The following NALF1 variants were observed in gnomAD, a reference collection of about 807,000 sequenced individuals.
NALF1 encodes NALCN channel auxiliary factor 1.
A neutral mutation model predicts 48.4 loss-of-function variants in NALF1; 3 were observed. The observed-to-expected ratio is 0.06, with a 90% CI of 0.03 to 0.16. The LOEUF (loss-of-function observed/expected upper bound fraction) is 0.16. NALF1 is among the 10% of genes least tolerant of loss of function. The pLI is 1.00. For synonymous variants in NALF1, 262 were observed against 245.7 expected (o/e 1.07, Z -0.62); for missense variants, 526 against 571.5 (o/e 0.92, Z 0.81).
rs114508608 is a variant in NALF1, at chr13:107,744,815, G to C, written c.915+120867C>G. On this transcript the variant is annotated intron_variant, in intron 1 of 2. Coordinates refer to ENST00000375915, the MANE Select transcript of NALF1 (RefSeq NM_001080396.3). Reference sequence around the variant, plus strand: ...GTATAACATAATTAAACTCTCAACAGTAAGACAAATTCAAGTGTCTAAGAG... The same window carrying C: ...GTATAACATAATTAAACTCTCAACACTAAGACAAATTCAAGTGTCTAAGAG... Among the ~76,000 whole-genome samples the C allele has an allele frequency of 4.7e-3, 712 of 152,250 alleles. 5 individuals are homozygous for C. Among genetic ancestry groups the C allele is most frequent in the African/African-American group, 0.016 (650 of 41,554 alleles).
At chr13:107,818,011 G>A (rs909635730) in intron 1 of NALF1, among the ~76,000 whole-genome samples, 2 of 152,216 alleles carry the variant, frequency 1.3e-5, no homozygotes, top group Non-Finnish European at 2.9e-5. Flanking sequence ...TTTGTTGGTA[G>A]AAACAGACAT....
chr13:107,455,771 T>C (rs1302739790), intron 1 of NALF1, among the ~76,000 whole-genome samples: 2 of 152,332 alleles, frequency 1.3e-5, no homozygotes, highest in Middle Eastern at 3.4e-3. Flanking sequence ...GAATATCATA[T>C]AGTTGGAATG....
At chr13:107,351,730 A>T (rs1252797459) in intron 1 of NALF1, among the ~76,000 whole-genome samples, 1 of 152,220 alleles carries the variant, frequency 6.6e-6, no homozygotes, top group East Asian at 1.9e-4. Context: ...ATTCCCGAAT[A>T]AACTCAACAT....
intron 1 of NALF1, among the ~76,000 whole-genome samples, chr13:107,772,247 G>A (rs1482937695): frequency 1.3e-5 from 2 of 152,012 alleles, no homozygotes; most frequent in African/African-American, 4.8e-5. Flanking sequence ...TAATAAACTT[G>A]TTTTTACTTT....
chr13:107,615,379 C>A (rs1414280645), intron 1 of NALF1, among the ~76,000 whole-genome samples: 1 of 152,144 alleles, frequency 6.6e-6, no homozygotes, highest in African/African-American at 2.4e-5. Flanking sequence ...TCTTACCCTG[C>A]CTTTCGCATA....
At chr13:107,678,510 T>C (rs1881191486) in intron 1 of NALF1, among the ~76,000 whole-genome samples, 1 of 152,260 alleles carries the variant, frequency 6.6e-6, no homozygotes, top group Non-Finnish European at 1.5e-5. Context: ...TCCGAATCTC[T>C]GTGACCTCGA....
intron 1 of NALF1, among the ~76,000 whole-genome samples, chr13:107,509,056 T>G (rs1157825): frequency 0.046 from 7,077 of 152,254 alleles, 553 homozygotes; most frequent in African/African-American, 0.16. Flanking sequence ...AAATTTGAGA[T>G]GTATATATGC....
intron 1 of NALF1, among the ~76,000 whole-genome samples, chr13:107,617,009 C>T (rs915458940): frequency 6.6e-6 from 1 of 152,020 alleles, no homozygotes; most frequent in Non-Finnish European, 1.5e-5. Context: ...TACAAAAATG[C>T]CATGGTTTAT....
At chr13:107,269,913 A>ATTTTTTTTTTT (rs71121514) in intron 1 of NALF1, among the ~76,000 whole-genome samples, 33 of 89,050 alleles carry the variant, frequency 3.7e-4, no homozygotes, top group African/African-American at 7.7e-4. Context: ...CGCCCGGCTA[A>ATTTTTTTTTTT]TTTTTTTTTT....
chr13:107,631,028 A>T (rs1879820991), intron 1 of NALF1, among the ~76,000 whole-genome samples: 1 of 152,058 alleles, frequency 6.6e-6, no homozygotes, highest in South Asian at 2.1e-4. Context: ...TTATTTAGAG[A>T]CAGGGTTTCC....
chr13:107,750,639 T>C (rs570707324), intron 1 of NALF1, among the ~76,000 whole-genome samples: 35 of 151,328 alleles, frequency 2.3e-4, no homozygotes, highest in African/African-American at 8.2e-4. Context: ...CAAGTCATGA[T>C]GTGATAGTAA....
chr13:107,769,603 G>C (rs1285479826), intron 1 of NALF1, among the ~76,000 whole-genome samples: 1 of 150,998 alleles, frequency 6.6e-6, no homozygotes, highest in Non-Finnish European at 1.5e-5. Context: ...TGACGAGTTA[G>C]TGGGTTCAGT....
chr13:107,175,063 G>A (rs2806523), intron 2 of NALF1, among the ~76,000 whole-genome samples: 44,938 of 82,684 alleles, frequency 0.54, 13,686 homozygotes, highest in African/African-American at 0.66. Flanking sequence ...TTTTTTTTTT[G>A]TATTTTTAGT....
intron 1 of NALF1, among the ~76,000 whole-genome samples, chr13:107,628,340 C>A (rs1247237109): frequency 1.3e-5 from 2 of 152,132 alleles, no homozygotes; most frequent in Non-Finnish European, 2.9e-5. Context: ...AATACAAAGG[C>A]CTTCTAGCAT....
chr13:107,659,180 T>C (rs924459236), intron 1 of NALF1, among the ~76,000 whole-genome samples: 6 of 151,550 alleles, frequency 4.0e-5, no homozygotes, highest in Non-Finnish European at 7.4e-5. Context: ...AGCCTCTTCA[T>C]TGTTTAAGAA....
intron 1 of NALF1, among the ~76,000 whole-genome samples, chr13:107,404,176 G>C (rs891368357): frequency 2.0e-5 from 3 of 151,944 alleles, no homozygotes; most frequent in Non-Finnish European, 4.4e-5. Flanking sequence ...TTTACCCAAG[G>C]GTAGGTTTTC....
intron 2 of NALF1, among the ~76,000 whole-genome samples, chr13:107,197,872 A>T (rs561035113): frequency 6.6e-6 from 1 of 152,332 alleles, no homozygotes; most frequent in East Asian, 1.9e-4. Flanking sequence ...AATGACGGAA[A>T]TGAAGGGAGA....
At chr13:107,494,142 T>C (rs948729751) in intron 1 of NALF1, among the ~76,000 whole-genome samples, 1 of 138,672 alleles carries the variant, frequency 7.2e-6, no homozygotes, top group African/African-American at 3.5e-5. Flanking sequence ...GATTGTGACA[T>C]ATAATAAAAA....
intron 1 of NALF1, among the ~76,000 whole-genome samples, chr13:107,790,662 C>A: frequency 6.6e-6 from 1 of 152,258 alleles, no homozygotes; most frequent in South Asian, 2.1e-4. Flanking sequence ...ATTCTGCATA[C>A]ATTTATGCGA....
Sources: gnomAD v4.1 joint callset for allele counts (sites outside exome capture counted in the v4.1 genomes callset) on GRCh38, gnomAD v4.1.1 for gene constraint, MANE v1.5 for transcripts, NCBI Gene and HGNC (gene_info 2026-07-23, HGNC 2026-07-21) for gene names.